LDB2: variants seen among roughly 807,000 people sequenced by gnomAD.
The protein encoded by LDB2 is LIM domain-binding protein 2.
LDB2 carries 12 observed loss-of-function variants against 44.3 expected under a neutral mutation model. The ratio of observed to expected loss-of-function variants is 0.27; its 90% CI spans 0.17 to 0.44. The LOEUF is 0.44. Ranked by LOEUF, LDB2 falls within the 20% of genes least tolerant of loss-of-function variation. The probability of loss-of-function intolerance (pLI) is 1.00; values close to 1 mark genes in which losing one functional copy is unlikely to be tolerated. For missense variants in LDB2, 344 were observed against 473.5 expected (o/e 0.73, Z 2.54); for synonymous variants, 164 against 174.8 (o/e 0.94, Z 0.49).
chr4:16,861,249 C>T (rs1712443921), intron 1 of LDB2, among the ~76,000 whole-genome samples: 1 of 152,112 alleles, frequency 6.6e-6, no homozygotes, highest in Admixed American at 6.6e-5. Context: ...CAGAACCAGC[C>T]AGTTATAGCC....
At chr4:16,628,263 G>A (rs183993743) in intron 2 of LDB2, among the ~76,000 whole-genome samples, 42 of 152,270 alleles carry the variant, frequency 2.8e-4, no homozygotes, top group Non-Finnish European at 3.4e-4. Flanking sequence ...CAAGGATTAC[G>A]TGAATTCCAG....
intron 1 of LDB2, among the ~76,000 whole-genome samples, chr4:16,847,187 T>A (rs1464994651): frequency 6.6e-6 from 1 of 152,242 alleles, no homozygotes. Context: ...GAAAAATATT[T>A]ATGCTCACTA....
intron 1 of LDB2, among the ~76,000 whole-genome samples, chr4:16,768,267 T>C (rs1579483871): frequency 6.6e-6 from 1 of 152,112 alleles, no homozygotes; most frequent in African/African-American, 2.4e-5. Context: ...AGATGGGAGA[T>C]GGGAGGGCAT....
At chr4:16,715,941 G>A (rs1297012240) in intron 2 of LDB2, among the ~76,000 whole-genome samples, 2 of 152,042 alleles carry the variant, frequency 1.3e-5, no homozygotes, top group East Asian at 3.9e-4. Context: ...TTATAGCTGG[G>A]TCCCTCTTGT....
At chr4:16,724,498 T>A (rs1759009862) in intron 2 of LDB2, among the ~76,000 whole-genome samples, 1 of 151,988 alleles carries the variant, frequency 6.6e-6, no homozygotes, top group South Asian at 2.1e-4. Context: ...AGAAACATGC[T>A]TGTTGAGTGA....
intron 2 of LDB2, among the ~76,000 whole-genome samples, chr4:16,693,434 C>T (rs1018995153): frequency 2.6e-5 from 4 of 151,414 alleles, no homozygotes; most frequent in Admixed American, 2.0e-4. Flanking sequence ...CGGCTCACCG[C>T]AACCTCCGCC....
At chr4:16,567,364 TAG>T (rs1384992710) in intron 5 of LDB2, among the ~76,000 whole-genome samples, 2 of 99,558 alleles carry the variant, frequency 2.0e-5, no homozygotes, top group Non-Finnish European at 4.7e-5. Flanking sequence ...ACTGCAGACA[TAG>T]AGTGTGTGTG....
At chr4:16,835,732 C>T (rs1237267450) in intron 1 of LDB2, among the ~76,000 whole-genome samples, 2 of 152,202 alleles carry the variant, frequency 1.3e-5, no homozygotes, top group South Asian at 4.1e-4. Context: ...AATGAGAGTC[C>T]TAATTGCTCT....
chr4:16,602,251 T>C (rs150721299), intron 2 of LDB2, among the ~76,000 whole-genome samples: 21 of 152,196 alleles, frequency 1.4e-4, no homozygotes, highest in Non-Finnish European at 2.9e-4. Context: ...CCAACTAGTT[T>C]AGATTGGCCA....
At chr4:16,553,759 G>T (rs1738479193) in intron 5 of LDB2, among the ~76,000 whole-genome samples, 1 of 152,156 alleles carries the variant, frequency 6.6e-6, no homozygotes, top group African/African-American at 2.4e-5. Context: ...AAAGAGTTTT[G>T]TTCTAAGCCC....
chr4:16,627,917 A>G (rs1419942823), intron 2 of LDB2, among the ~76,000 whole-genome samples: 2 of 152,214 alleles, frequency 1.3e-5, no homozygotes, highest in Non-Finnish European at 2.9e-5. Flanking sequence ...GGCCACTGCT[A>G]ACACAGAGGG....
chr4:16,726,101 A>G (rs1302966945), intron 2 of LDB2, among the ~76,000 whole-genome samples: 3 of 151,906 alleles, frequency 2.0e-5, no homozygotes, highest in Admixed American at 1.3e-4. Flanking sequence ...TAATACTTTT[A>G]TCTTAAACAG....
chr4:16,622,227 G>C (rs775449071), intron 2 of LDB2, among the ~76,000 whole-genome samples: 1 of 152,162 alleles, frequency 6.6e-6, no homozygotes, highest in Non-Finnish European at 1.5e-5. Flanking sequence ...AAGCAACACT[G>C]AGTGCTTAGT....
At chr4:16,526,433 G>A (rs796813963) in intron 5 of LDB2, among the ~76,000 whole-genome samples, 1 of 152,286 alleles carries the variant, frequency 6.6e-6, no homozygotes, top group African/African-American at 2.4e-5. Context: ...GACTTGCCAT[G>A]AGTCACATTA....
At chr4:16,605,478 AAC>A (rs1274588644) in intron 2 of LDB2, among the ~76,000 whole-genome samples, 9 of 152,130 alleles carry the variant, frequency 5.9e-5, no homozygotes, top group African/African-American at 1.9e-4. Flanking sequence ...AAAACAAAAA[AAC>A]AAAAAAAACA....
chr4:16,787,567 T>C (rs1774732069), intron 1 of LDB2, among the ~76,000 whole-genome samples: 1 of 152,060 alleles, frequency 6.6e-6, no homozygotes, highest in Non-Finnish European at 1.5e-5. Flanking sequence ...TGAGCTGTGA[T>C]CACGCCACTG....
chr4:16,697,753 G>C (rs751618825), intron 2 of LDB2, among the ~76,000 whole-genome samples: 1 of 152,216 alleles, frequency 6.6e-6, no homozygotes, highest in Non-Finnish European at 1.5e-5. Flanking sequence ...TGGAGGAAAA[G>C]TGGTGGGCAA....
chr4:16,661,689 G>T (rs1477934274), intron 2 of LDB2, among the ~76,000 whole-genome samples: 1 of 152,108 alleles, frequency 6.6e-6, no homozygotes, highest in African/African-American at 2.4e-5. Context: ...GTTCACATGT[G>T]TTCTACCAGT....
chr4:16,777,586 G>A (rs1772220379), intron 1 of LDB2, among the ~76,000 whole-genome samples: 1 of 152,104 alleles, frequency 6.6e-6, no homozygotes, highest in African/African-American at 2.4e-5. Flanking sequence ...TCATAGAAAG[G>A]CTTTAAGCAG....
Sources: gnomAD v4.1 joint callset for allele counts (sites outside exome capture counted in the v4.1 genomes callset) on GRCh38, gnomAD v4.1.1 for gene constraint, MANE v1.5 for transcripts, NCBI Gene and HGNC (gene_info 2026-07-23, HGNC 2026-07-21) for gene names.